The following PRIMA1 variants were observed in gnomAD, a reference collection of about 807,000 sequenced individuals.
PRIMA1 encodes proline rich membrane anchor 1, also known as proline-rich membrane anchor 1.
Under a neutral mutation model 17.5 loss-of-function variants are expected in PRIMA1, and 7 were observed. The observed-to-expected ratio is 0.40, with a 90% CI of 0.23 to 0.75. PRIMA1 has a LOEUF of 0.75. Ranked by LOEUF, PRIMA1 falls within the 30% of genes least tolerant of loss-of-function variation. PRIMA1 has a pLI of 0.37. For synonymous variants in PRIMA1, 97 were observed against 77.9 expected, an observed-to-expected ratio of 1.25 and a Z score of -1.29; for missense variants, 200 against 201.8, an observed-to-expected ratio of 0.99 and a Z score of 0.05.
chr14:93,731,312 T>C lies in PRIMA1; in HGVS notation c.359+5929A>G, dbSNP rs553503692. On this transcript the variant is annotated intron_variant, in intron 4 of 4. Coordinates refer to ENST00000393140, the MANE Select transcript of PRIMA1 (RefSeq NM_178013.4). Reference sequence around the variant, plus strand: ...GCTTAAAATGGAAAGAAAATTTAAATAGCAGTATACACATCACTTAGCATA... The same window carrying C: ...GCTTAAAATGGAAAGAAAATTTAAACAGCAGTATACACATCACTTAGCATA... Among the ~76,000 whole-genome samples the C allele has an allele frequency of 2.0e-5, 3 of 152,274 alleles. No homozygotes were observed. The South Asian group carries it at 6.2e-4, about 32-fold the overall frequency.
chr14:93,739,263 G>C (rs575383035), intron 3 of PRIMA1, among the ~76,000 whole-genome samples: 5 of 152,170 alleles, frequency 3.3e-5, no homozygotes, highest in South Asian at 2.1e-4. Context: ...TGTTGGTCAG[G>C]CTGGTCTCGA....
At chr14:93,773,441 G>C (rs1383068914) in intron 3 of PRIMA1, among the ~76,000 whole-genome samples, 1 of 152,196 alleles carries the variant, frequency 6.6e-6, no homozygotes, top group Non-Finnish European at 1.5e-5. Context: ...GAGGTCCTCG[G>C]GCCCCACCCC....
intron 2 of PRIMA1, 68 bp downstream of exon 2, chr14:93,787,558 G>A: frequency 1.3e-6 from 2 of 1,534,854 alleles, no homozygotes; most frequent in Non-Finnish European, 1.7e-6. Context: ...AGGGTCTCAG[G>A]AGGGAAGGGA....
At chr14:93,765,339 G>A (rs989561266) in intron 3 of PRIMA1, among the ~76,000 whole-genome samples, 86 of 151,328 alleles carry the variant, frequency 5.7e-4, no homozygotes, top group Non-Finnish European at 1.1e-3. Flanking sequence ...CTGTGCTGCC[G>A]CTGAGGACAC....
intron 3 of PRIMA1, among the ~76,000 whole-genome samples, chr14:93,746,016 A>C (rs1347719792): frequency 6.6e-6 from 1 of 152,146 alleles, no homozygotes; most frequent in Non-Finnish European, 1.5e-5. Flanking sequence ...TTCTCCCTGC[A>C]GAACTCTGAT....
Position 93,761,802 on chromosome 14 carries a change from C to T in PRIMA1, c.229+17374G>A, listed in dbSNP as rs1001560878. On this transcript the variant is annotated intron_variant, in intron 3 of 4. Transcript: ENST00000393140. ...ATGACTGAACGGACCTCATGACCAC[C>T]TGCAGTGACCTCCCGCTGGACACCC... is the stretch of plus-strand genomic sequence containing the variant. Among the ~76,000 whole-genome samples the T allele has an allele frequency of 2.0e-5, 3 of 152,200 alleles. No homozygotes were observed. In the East Asian group the frequency reaches 5.8e-4, roughly 29 times the overall value.
chr14:93,733,688 G>T (rs1170084851), intron 4 of PRIMA1, among the ~76,000 whole-genome samples: 1 of 152,138 alleles, frequency 6.6e-6, no homozygotes, highest in African/African-American at 2.4e-5. Flanking sequence ...AAAAGAGTAG[G>T]GTTTATCACT....
At chr14:93,721,989 G>A (rs927908012) in intron 4 of PRIMA1, among the ~76,000 whole-genome samples, 1 of 152,234 alleles carries the variant, frequency 6.6e-6, no homozygotes, top group Non-Finnish European at 1.5e-5. Context: ...AATTCAAAAT[G>A]TGATGAAGCA....
At chr14:93,765,338 C>T (rs1884855020) in intron 3 of PRIMA1, among the ~76,000 whole-genome samples, 1 of 151,286 alleles carries the variant, frequency 6.6e-6, no homozygotes, top group Non-Finnish European at 1.5e-5. Flanking sequence ...CCTGTGCTGC[C>T]GCTGAGGACA....
At chr14:93,780,631 G>C (rs546489151) in intron 2 of PRIMA1, among the ~76,000 whole-genome samples, 10 of 152,182 alleles carry the variant, frequency 6.6e-5, no homozygotes, top group African/African-American at 2.4e-4. Context: ...ACCCATGCCT[G>C]AGCCACACCG....
chr14:93,762,264 T>C (rs1453978069), intron 3 of PRIMA1, among the ~76,000 whole-genome samples: 7 of 152,160 alleles, frequency 4.6e-5, no homozygotes, highest in Non-Finnish European at 7.4e-5. Context: ...ACCCGGCAGA[T>C]GCATAAACCA....
chr14:93,725,812 C>A, intron 4 of PRIMA1: 1 of 375,676 alleles, frequency 2.7e-6, no homozygotes, highest in African/African-American at 2.1e-5. Context: ...AGCCAAGGTT[C>A]TCCAGTCTGC....
intron 2 of PRIMA1, among the ~76,000 whole-genome samples, chr14:93,786,781 C>T (rs1885537135): frequency 6.6e-6 from 1 of 152,208 alleles, no homozygotes; most frequent in Non-Finnish European, 1.5e-5. Flanking sequence ...ACAATGGCAG[C>T]AACCACTACT....
At chr14:93,732,246 C>A (rs1273593086) in intron 4 of PRIMA1, among the ~76,000 whole-genome samples, 1 of 152,222 alleles carries the variant, frequency 6.6e-6, no homozygotes. Flanking sequence ...AGGAGCTCTT[C>A]TCTGAGTGAA....
At chr14:93,723,178 G>A (rs79437622) in intron 4 of PRIMA1, among the ~76,000 whole-genome samples, 144 of 152,168 alleles carry the variant, frequency 9.5e-4, no homozygotes, top group African/African-American at 3.1e-3. Flanking sequence ...CCACAATTCC[G>A]CTATCTCATC....
At chr14:93,782,136 T>C (rs12147433) in intron 2 of PRIMA1, among the ~76,000 whole-genome samples, 16,468 of 151,736 alleles carry the variant, frequency 0.11, 1,098 homozygotes, top group Admixed American at 0.21. Flanking sequence ...GGCGTGGCGG[T>C]GGGCACCTGT....
At chr14:93,777,315 G>A (rs553185015) in intron 3 of PRIMA1, among the ~76,000 whole-genome samples, 96 of 151,320 alleles carry the variant, frequency 6.3e-4, no homozygotes, top group Non-Finnish European at 1.2e-3. Context: ...CCCCCAACCT[G>A]ATTAGCAACC....
intron 4 of PRIMA1, among the ~76,000 whole-genome samples, chr14:93,723,581 G>A (rs932524950): frequency 1.1e-4 from 16 of 152,166 alleles, no homozygotes; most frequent in Admixed American, 7.2e-4. Context: ...AGCAAGCCAA[G>A]TGCACTCATT....
intron 3 of PRIMA1, among the ~76,000 whole-genome samples, chr14:93,769,062 G>C (rs927518494): frequency 6.6e-6 from 1 of 150,944 alleles, no homozygotes; most frequent in Non-Finnish European, 1.5e-5. Context: ...CCATTCTAGA[G>C]GCTCTTACGG....
Sources: allele counts gnomAD v4.1 joint callset (sites outside exome capture counted in the v4.1 genomes callset), GRCh38; gene constraint gnomAD v4.1.1; transcripts MANE v1.5; gene names NCBI Gene and HGNC (gene_info 2026-07-23, HGNC 2026-07-21).